The following FAM90A1 variants were observed in gnomAD, a reference collection of about 807,000 sequenced individuals.
The protein encoded by FAM90A1 is protein FAM90A1.
FAM90A1 carries 10 observed loss-of-function variants against 14.8 expected under a neutral mutation model. That is an observed-to-expected ratio of 0.67 (90% CI 0.42 to 1.14). The LOEUF is 1.14. FAM90A1 is among the 50% of genes most tolerant of loss of function. The pLI is 0.00. For missense variants in FAM90A1, 567 were observed against 602.8 expected (o/e 0.94, Z 0.62); for synonymous variants, 236 against 248.4 (o/e 0.95, Z 0.47).
At chr12:8,227,010 C>T (rs1209973015) in intron 1 of FAM90A1, among the ~76,000 whole-genome samples, 1 of 152,042 alleles carries the variant, frequency 6.6e-6, no homozygotes. Context: ...ACCATGTTGG[C>T]CAGGCTGGTC....
At position 8,224,078 on chromosome 12, in the gene FAM90A1, G is replaced by C; in HGVS notation, c.261C>G (p.Pro87=). ...EGKENLKPWK[P]QVEANPGPLN... is the part of the protein sequence containing the mutation. Reference sequence around the variant, plus strand: ...AGGGCCCAGGGTTCGCTTCAACCTGGGGCTTCCATGGTTTCAGGTTTTCCT... The same window carrying C: ...AGGGCCCAGGGTTCGCTTCAACCTGCGGCTTCCATGGTTTCAGGTTTTCCT... The change falls in exon 5 of 7, where the codon CCC becomes CCG. Residue 87 remains proline (P), a synonymous_variant. Transcript: ENST00000538603. 6.2e-7 allele frequency: 1 copy of C among 1,612,008 alleles called. No individual in the cohort carries two copies. The highest frequency in any genetic ancestry group is 8.5e-7 in the Non-Finnish European group (1 of 1,179,854).
rs77978823 is a variant in FAM90A1 at position 8,222,067 on chromosome 12, C to T, written c.1150G>A (p.Ala384Thr). ...AGAGGCTGGGCCCCATCATGGCTGG[C>T]CGCTGGGTGATGGGACATGGTGCAG... ...QACTMSHHPAASHDGAQPLRV... is the reference protein window; with the variant it reads ...QACTMSHHPATSHDGAQPLRV... The change falls in exon 7 of 7, where the codon GCC becomes ACC. Residue 384 changes from alanine to threonine, a missense_variant. By Grantham distance (58) the Ala-to-Thr change is moderately conservative (BLOSUM62 0). Transcript: ENST00000538603. 996 of 1,606,628 alleles carry T rather than the reference C, an allele frequency of 6.2e-4. 2 individuals carry two copies. Among genetic ancestry groups the T allele is most frequent in the Non-Finnish European group, 6.9e-4 (818 of 1,179,760 alleles).
Position 8,222,007 on chromosome 12 carries a change from A to G in FAM90A1, c.1210T>C (p.Trp404Arg), listed in dbSNP as rs755100794. The G allele has an allele frequency of 1.9e-6, 3 of 1,599,088 alleles. No homozygotes were observed. The highest frequency in any genetic ancestry group is 2.5e-6 in the Non-Finnish European group (3 of 1,179,858). The change falls in exon 7 of 7, where the codon TGG becomes CGG. Residue 404 changes from tryptophan (W) to arginine (R), a missense_variant. Trp to Arg is a moderately radical substitution (Grantham distance 101, BLOSUM62 -3). Transcript: ENST00000538603. ...VLFRRLENGR[W>R]SSSLLTAPSF... ...GGGGCCGTCAGCAGGCTGGAGCTCC[A>G]GCGTCCGTTTTCCAGTCTCCGAAAG...
At chr12:8,225,159 C>G (rs757663927) in intron 3 of FAM90A1, among the ~76,000 whole-genome samples, 1 of 152,260 alleles carries the variant, frequency 6.6e-6, no homozygotes, top group African/African-American at 2.4e-5. Flanking sequence ...AAACTAACAA[C>G]TGATTCTGGA....
chr12:8,227,491 T>A lies in FAM90A1; in HGVS notation c.-432A>T, dbSNP rs1948967427. ...AGGCCAGTGCTTACCCCGCCATGTT[T>A]TCAAGCCCGAGGCCAGCTGGCTGCA... On this transcript the variant is annotated 5_prime_UTR_variant, in exon 1 of 7. Transcript: ENST00000538603. The A allele has an allele frequency of 5.6e-6, 4 of 719,134 alleles. No individual in the cohort carries two copies. Among genetic ancestry groups the A allele is most frequent in the Non-Finnish European group, 8.7e-6 (4 of 457,770 alleles). The allele number at this position is 719,134 out of a possible 1,614,324, so 44.5% of individuals were successfully genotyped here. A position where few individuals can be genotyped will look rare whatever the true frequency, so the allele number is the denominator to read the frequency against.
rs1299447428 is a variant in FAM90A1, at chr12:8,222,291, C to A, written c.926G>T (p.Arg309Ile). The A allele has an allele frequency of 6.2e-7, 1 of 1,611,424 alleles. No homozygotes were observed. Among genetic ancestry groups the A allele is most frequent in the African/African-American group, 1.3e-5 (1 of 74,978 alleles). ...QACLNFPKKP[R>I]LGPFQIPESA... ...TTCGGGGATCTGGAAGGGACCCAGT[C>A]TCGGTTTCTTGGGGAAGTTCAGGCA... The change falls in exon 7 of 7, where the codon AGA (arginine) becomes ATA (isoleucine). Residue 309 changes from arginine to isoleucine, a missense_variant. By Grantham distance (97) the Arg-to-Ile change is moderately conservative. Transcript: ENST00000538603.
At chr12:8,225,012 C>G (rs1948914967) in intron 3 of FAM90A1, 124 bp from the exon 4 acceptor site, 4 of 677,552 alleles carry the variant, frequency 5.9e-6, no homozygotes, top group South Asian at 1.8e-5. Flanking sequence ...ACCAGTCGGT[C>G]AAATCTGTGG....
Position 8,226,282 on chromosome 12 carries a change from G to A in FAM90A1, c.-224C>T, listed in dbSNP as rs959535997. ...TGGTAAAATAGACACCTTTTAATTG[G>A]ACCATATTTACTCTATCTCGACGTA... is the stretch of plus-strand genomic sequence containing the variant. On this transcript the variant is annotated 5_prime_UTR_variant, in exon 2 of 7. Transcript: ENST00000538603. 1 of 152,022 alleles carries A rather than the reference G, an allele frequency of 6.6e-6. No homozygotes were observed. The highest frequency in any genetic ancestry group is 2.4e-5 in the African/African-American group (1 of 41,364). 9.4% of individuals were successfully genotyped at this position (152,022 alleles called of 1,614,324 possible).
chr12:8,223,238 T>C (rs746043156), intron 6 of FAM90A1, among the ~76,000 whole-genome samples: 1 of 152,272 alleles, frequency 6.6e-6, no homozygotes, highest in Admixed American at 6.5e-5. Context: ...AGGCTTGCCA[T>C]AATTGGACAG....
At position 8,227,460 on chromosome 12, in the gene FAM90A1, G is replaced by A. The variant is rs1020639132; in HGVS notation, c.-421+20C>T. ...GCTGGGTCCACCCAGTGGGCGGTCGGGTGCCAGGCCAGTGCTTACCCCGCC... is the reference window on the plus strand; with the variant it reads ...GCTGGGTCCACCCAGTGGGCGGTCGAGTGCCAGGCCAGTGCTTACCCCGCC... On this transcript the variant is annotated intron_variant, in intron 1 of 6. Coordinates refer to ENST00000538603, the MANE Select transcript of FAM90A1 (RefSeq NM_018088.3). 3.3e-5 allele frequency: 19 copies of A among 571,236 alleles called. No individual in the cohort carries two copies. Among genetic ancestry groups the A allele is most frequent in the Non-Finnish European group, 5.7e-5 (19 of 334,600 alleles). The allele number at this position is 571,236 out of a possible 1,614,324, so 35.4% of individuals were successfully genotyped here. A position where few individuals can be genotyped will look rare whatever the true frequency, so the allele number is the denominator to read the frequency against.
Position 8,221,727 on chromosome 12 carries a change from G to C in FAM90A1, c.*95C>G. 7.2e-7 allele frequency: 1 copy of C among 1,387,408 alleles called. No individual in the cohort carries two copies. Among genetic ancestry groups the C allele is most frequent in the Admixed American group, 1.8e-5 (1 of 57,002 alleles). 85.9% of individuals were successfully genotyped at this position (1,387,408 alleles called of 1,614,324 possible). ...ACAGCCGGGGAGCTTCGGAGTCACC[G>C]CACAGAGTCTGCTCTCTGCTCTGTG... On this transcript the variant is annotated 3_prime_UTR_variant, in exon 7 of 7. Coordinates refer to ENST00000538603, the MANE Select transcript of FAM90A1 (RefSeq NM_018088.3).
Position 8,224,047 on chromosome 12 carries a change from T to TG in FAM90A1, c.291dup (p.Lys98GlnfsTer3). ...CTCTCTTCCTTCTCTCCCTTATCCT[T>TG]GTTCAAGGGCCCAGGGTTCGCTTCA... On this transcript the variant is annotated frameshift_variant, in exon 5 of 7. Transcript: ENST00000538603. LOFTEE classifies it high-confidence loss of function. The TG allele has an allele frequency of 6.2e-7, 1 of 1,611,972 alleles. No homozygotes were observed. Among genetic ancestry groups the TG allele is most frequent in the Non-Finnish European group, 8.5e-7 (1 of 1,179,824 alleles).
chr12:8,223,544 G>C lies in FAM90A1; in HGVS notation c.337C>G (p.Gln113Glu). ...AATATGTGGAGGAGAGCCTTCCTCT[G>C]CGGGTCTTGTGGCCTGCAGAACAGA... The part of the protein sequence containing the change: ...KEERPRPQDP[Q>E]RKALLHIFSR... Residue 113 changes from glutamine (Q) to glutamate (E), a missense_variant, in exon 6 of 7, where the codon CAG becomes GAG. Coordinates refer to ENST00000538603, the MANE Select transcript of FAM90A1 (RefSeq NM_018088.3). 6.3e-7 allele frequency: 1 copy of C among 1,578,498 alleles called. No individual in the cohort carries two copies. Among genetic ancestry groups the C allele is most frequent in the South Asian group, 1.1e-5 (1 of 90,432 alleles).
intron 1 of FAM90A1, among the ~76,000 whole-genome samples, chr12:8,226,802 C>CTTTTTTTTTTTTTTTTT (rs71042351): frequency 7.5e-5 from 6 of 79,808 alleles, no homozygotes; most frequent in African/African-American, 1.7e-4. Context: ...TCATTGATGT[C>CTTTTTTTTTTTTTTTTT]TTTTTTTTTT....
intron 4 of FAM90A1, among the ~76,000 whole-genome samples, chr12:8,224,431 C>T (rs115618814): frequency 0.031 from 4,619 of 150,414 alleles, 255 homozygotes; most frequent in African/African-American, 0.11. Context: ...GACTCAAGGT[C>T]CTAAGGGGCA....
At position 8,223,507 on chromosome 12, in the gene FAM90A1, G is replaced by A. The variant is rs757909784; in HGVS notation, c.374C>T (p.Pro125Leu). Residue 125 changes from proline to leucine, a missense_variant, in exon 6 of 7, where the codon CCT becomes CTT. Coordinates refer to ENST00000538603, the MANE Select transcript of FAM90A1 (RefSeq NM_018088.3). ...KALLHIFSRK[P>L]PEKPLPNQKG... ...TTGATTTGGCAGCGGCTTCTCTGGA[G>A]GTTTCCTGGAAAATATGTGGAGGAG... is the stretch of plus-strand genomic sequence containing the variant. The A allele has an allele frequency of 2.7e-5, 44 of 1,609,314 alleles. No homozygotes were observed. Among genetic ancestry groups the A allele is most frequent in the Non-Finnish European group, 3.5e-5 (41 of 1,177,436 alleles).
rs761515826 is a variant in FAM90A1 at position 8,222,464 on chromosome 12, G to C, written c.753C>G (p.Leu251=). ...PQAASKTHGL[L]QAVSPQAQDK... ...CTTGTGCCTGGGGGCTGACGGCCTG[G>C]AGCAGGCCGTGGGTTTTGGAGGCAG... Residue 251 remains leucine, a synonymous_variant, in exon 7 of 7, where the codon CTC becomes CTG. Coordinates refer to ENST00000538603, the MANE Select transcript of FAM90A1 (RefSeq NM_018088.3). 8.9e-5 allele frequency: 143 copies of C among 1,600,578 alleles called. 1 individual carries two copies. Among genetic ancestry groups the C allele is most frequent in the East Asian group, 2.3e-5 (1 of 44,084 alleles).
At chr12:8,225,705 C>G (rs1471738463) in intron 3 of FAM90A1, 131 bp downstream of exon 3, 1 of 152,270 alleles carries the variant, frequency 6.6e-6, no homozygotes, top group African/African-American at 2.4e-5. Context: ...CCAAGAATTA[C>G]TAGTAACGAG....
chr12:8,223,167 C>T lies in FAM90A1; in HGVS notation c.432+282G>A, dbSNP rs758932112. On this transcript the variant is annotated intron_variant, in intron 6 of 6. Coordinates refer to ENST00000538603, the MANE Select transcript of FAM90A1 (RefSeq NM_018088.3). ...TATGCATGTTCCTGGGTTTAGCCTT[C>T]TCCACGTTTGGGGCCTCTGAGGGAC... 4.2e-3 allele frequency among the ~76,000 whole-genome samples: 634 copies of T among 152,342 alleles called. 6 individuals carry two copies. The highest frequency in any genetic ancestry group is 0.015 in the African/African-American group (617 of 41,562).
Sources: gnomAD v4.1 joint callset for allele counts (sites outside exome capture counted in the v4.1 genomes callset) on GRCh38, gnomAD v4.1.1 for gene constraint, MANE v1.5 for transcripts, NCBI Gene and HGNC (gene_info 2026-07-23, HGNC 2026-07-21) for gene names.